The following KCNH7 variants were observed in gnomAD, a reference collection of about 807,000 sequenced individuals.
KCNH7 encodes the protein potassium voltage-gated channel subfamily H member 7.
Under a neutral mutation model 120.8 loss-of-function variants are expected in KCNH7, and 49 were observed. The ratio of observed to expected loss-of-function variants is 0.41; its 90% CI spans 0.32 to 0.51. The LOEUF (loss-of-function observed/expected upper bound fraction) is 0.51. KCNH7 is among the 20% of genes least tolerant of loss of function. The probability of loss-of-function intolerance (pLI) is 0.38; values close to 1 mark genes in which losing one functional copy is unlikely to be tolerated. For missense variants in KCNH7, 1,097 were observed against 1,446.6 expected (o/e 0.76, Z 3.92); for synonymous variants, 547 against 516.1 (o/e 1.06, Z -0.81).
intron 2 of KCNH7, chr2:162,796,071 T>C (rs1166638247): frequency 3.9e-5 from 6 of 152,056 alleles, no homozygotes; most frequent in Non-Finnish European, 8.8e-5. Context: ...TATACCAATA[T>C]TATTTGCATC....
chr2:162,832,818 A>G (rs940527206), intron 2 of KCNH7, among the ~76,000 whole-genome samples: 1 of 152,148 alleles, frequency 6.6e-6, no homozygotes, highest in Admixed American at 6.6e-5. Context: ...AGTAAATTCA[A>G]TGCTATCAAA....
chr2:162,812,303 C>T (rs1684758932), intron 2 of KCNH7, among the ~76,000 whole-genome samples: 1 of 151,902 alleles, frequency 6.6e-6, no homozygotes, highest in Non-Finnish European at 1.5e-5. Context: ...ATTAGACTAG[C>T]AGTTAAATAT....
intron 2 of KCNH7, among the ~76,000 whole-genome samples, chr2:162,548,324 C>T (rs1196444095): frequency 6.6e-6 from 1 of 152,202 alleles, no homozygotes; most frequent in African/African-American, 2.4e-5. Context: ...GAAACTGCAG[C>T]AGATACCTGA....
intron 2 of KCNH7, among the ~76,000 whole-genome samples, chr2:162,666,386 T>C (rs1685134103): frequency 6.8e-6 from 1 of 147,454 alleles, no homozygotes; most frequent in Non-Finnish European, 1.5e-5. Flanking sequence ...ACAACTTCCT[T>C]CCTAAACCAT....
At position 162,748,975 on chromosome 2, in the gene KCNH7, CTTCCTTCCTTCCTTCT is replaced by C. The variant is rs1211826633; in HGVS notation, c.307+87546_307+87561del. On this transcript the variant is annotated intron_variant, in intron 2 of 15. Coordinates refer to ENST00000332142, the MANE Select transcript of KCNH7 (RefSeq NM_033272.4). Reference sequence around the variant, plus strand: ...CCTTCCTTCCTTCCTTCCTTCCTTCCTTCCTTCCTTCCTTCTTTCCTCTCTTTTGCACTGAAAAGCA... The same window carrying C: ...CCTTCCTTCCTTCCTTCCTTCCTTCCTTCCTCTCTTTTGCACTGAAAAGCA... 3.2e-3 allele frequency among the ~76,000 whole-genome samples: 439 copies of C among 138,296 alleles called. 54 individuals carry two copies. The highest frequency in any genetic ancestry group is 0.025 in the East Asian group (95 of 3,744). 90.7% of individuals were successfully genotyped at this position (138,296 alleles called of 152,430 possible).
intron 2 of KCNH7, among the ~76,000 whole-genome samples, chr2:162,752,509 T>A (rs971085006): frequency 5.9e-5 from 9 of 152,290 alleles, no homozygotes; most frequent in African/African-American, 2.2e-4. Flanking sequence ...TCATTTCCTA[T>A]GAATTATATT....
intron 2 of KCNH7, among the ~76,000 whole-genome samples, chr2:162,636,132 A>AT (rs781770405): frequency 1.4e-4 from 22 of 151,856 alleles, no homozygotes; most frequent in African/African-American, 3.9e-4. Flanking sequence ...TATTTAGCAC[A>AT]TTTTTTTTCC....
intron 10 of KCNH7, among the ~76,000 whole-genome samples, chr2:162,399,869 A>C (rs1362653950): frequency 6.6e-6 from 1 of 151,934 alleles, no homozygotes; most frequent in Non-Finnish European, 1.5e-5. Context: ...ATCAAGCATG[A>C]AGCTAAGATC....
intron 2 of KCNH7, among the ~76,000 whole-genome samples, chr2:162,822,324 C>T (rs1375803885): frequency 6.6e-6 from 1 of 152,000 alleles, no homozygotes; most frequent in Non-Finnish European, 1.5e-5. Flanking sequence ...ATTGCATTTA[C>T]TGGGTACCTG....
At chr2:162,399,115 C>T (rs1288019606) in intron 10 of KCNH7, among the ~76,000 whole-genome samples, 1 of 151,598 alleles carries the variant, frequency 6.6e-6, no homozygotes, top group Non-Finnish European at 1.5e-5. Context: ...AATTACATGC[C>T]CATTATTTAA....
At chr2:162,761,618 G>A (rs1009193928) in intron 2 of KCNH7, among the ~76,000 whole-genome samples, 1 of 152,074 alleles carries the variant, frequency 6.6e-6, no homozygotes, top group African/African-American at 2.4e-5. Flanking sequence ...TTACAGGTAA[G>A]GAAACTGTAG....
chr2:162,648,737 G>A (rs964720823), intron 2 of KCNH7, among the ~76,000 whole-genome samples: 2 of 151,950 alleles, frequency 1.3e-5, no homozygotes, highest in Non-Finnish European at 2.9e-5. Flanking sequence ...GGCCTATAGA[G>A]TCTTAAATAT....
chr2:162,670,732 C>A (rs1685320518), intron 2 of KCNH7, among the ~76,000 whole-genome samples: 1 of 147,052 alleles, frequency 6.8e-6, no homozygotes, highest in African/African-American at 2.5e-5. Flanking sequence ...GAAATAAGAC[C>A]AAAAAAAACC....
chr2:162,638,008 T>G lies in KCNH7; in HGVS notation c.308-100928A>C, dbSNP rs73028553. On this transcript the variant is annotated intron_variant, in intron 2 of 15. Transcript: ENST00000332142. Reference sequence around the variant, plus strand: ...ATGGAGGAGCATTTTTTAAATAGGATGCACCCCTCACATTTTATCGTTCAA... The same window carrying G: ...ATGGAGGAGCATTTTTTAAATAGGAGGCACCCCTCACATTTTATCGTTCAA... 2.3e-3 allele frequency among the ~76,000 whole-genome samples: 354 copies of G among 152,170 alleles called. 1 individual carries two copies. Among genetic ancestry groups the G allele is most frequent in the African/African-American group, 8.1e-3 (338 of 41,552 alleles).
At chr2:162,800,966 C>T (rs771525594) in intron 2 of KCNH7, among the ~76,000 whole-genome samples, 4 of 151,784 alleles carry the variant, frequency 2.6e-5, no homozygotes, top group African/African-American at 9.7e-5. Flanking sequence ...GCTGGCTTTT[C>T]TCTCCTTGTA....
intron 5 of KCNH7, among the ~76,000 whole-genome samples, chr2:162,508,326 G>GTT (rs201688020): frequency 7.2e-6 from 1 of 139,338 alleles, no homozygotes. Flanking sequence ...TCTATTCTGG[G>GTT]TTTTTTTTTT....
chr2:162,613,538 A>C lies in KCNH7; in HGVS notation c.308-76458T>G, dbSNP rs115380857. ...ATTTAAGCTTTTCATCAAAATTTACACTTTAATTGTCATTATTTTTTGTTT... is the reference window on the plus strand; with the variant it reads ...ATTTAAGCTTTTCATCAAAATTTACCCTTTAATTGTCATTATTTTTTGTTT... On this transcript the variant is annotated intron_variant, in intron 2 of 15. Coordinates refer to ENST00000332142, the MANE Select transcript of KCNH7 (RefSeq NM_033272.4). Among the ~76,000 whole-genome samples, 680 of 152,116 alleles carry C rather than the reference A, an allele frequency of 4.5e-3. 7 individuals are homozygous for C. Among genetic ancestry groups the C allele is most frequent in the African/African-American group, 0.016 (653 of 41,532 alleles).
intron 6 of KCNH7, among the ~76,000 whole-genome samples, chr2:162,492,785 G>A (rs1313473613): frequency 6.9e-6 from 1 of 144,584 alleles, no homozygotes; most frequent in Non-Finnish European, 1.5e-5. Context: ...TCCTTAAAGT[G>A]TACTCAATTT....
intron 3 of KCNH7, among the ~76,000 whole-genome samples, chr2:162,527,491 A>C (rs943975170): frequency 5.9e-5 from 9 of 151,982 alleles, no homozygotes; most frequent in Non-Finnish European, 1.3e-4. Context: ...AGGTCTAAAA[A>C]CTGAGATACA....
Sources: gnomAD v4.1 joint callset for allele counts (sites outside exome capture counted in the v4.1 genomes callset) on GRCh38, gnomAD v4.1.1 for gene constraint, MANE v1.5 for transcripts, NCBI Gene and HGNC (gene_info 2026-07-23, HGNC 2026-07-21) for gene names.